PCM1: variants seen among roughly 807,000 people sequenced by gnomAD.
PCM1 encodes pericentriolar material 1.
PCM1 carries 157 observed loss-of-function variants against 241.9 expected under a neutral mutation model. That is an observed-to-expected ratio of 0.65 (90% CI 0.57 to 0.74). PCM1 has a LOEUF of 0.74. Ranked by LOEUF, PCM1 falls within the 30% of genes least tolerant of loss-of-function variation. The pLI, the probability that PCM1 is intolerant of heterozygous loss-of-function variation, is 0.00. For missense variants in PCM1, 3,478 were observed against 2,360.1 expected (o/e 1.47, Z -9.81); for synonymous variants, 1,085 against 784.9 (o/e 1.38, Z -6.39).
chr8:17,931,472 A>G (rs536830986), intron 2 of PCM1, among the ~76,000 whole-genome samples: 6 of 152,184 alleles, frequency 3.9e-5, no homozygotes, highest in South Asian at 4.1e-4. Context: ...TATTTTTAGT[A>G]GAGATAGGAT....
chr8:17,997,581 T>A (rs1404005598), intron 29 of PCM1, among the ~76,000 whole-genome samples: 3 of 152,216 alleles, frequency 2.0e-5, no homozygotes. Context: ...TCAAAGAGCC[T>A]GTCTTCAAGC....
At chr8:17,956,035 T>C (rs2068250021) in intron 10 of PCM1, 1 of 240,078 alleles carries the variant, frequency 4.2e-6, no homozygotes, top group Non-Finnish European at 8.2e-6. Flanking sequence ...CTGTATTTCC[T>C]CATCTGCAAA....
intron 36 of PCM1, among the ~76,000 whole-genome samples, chr8:18,019,819 G>A (rs1205792965): frequency 6.6e-6 from 1 of 152,180 alleles, no homozygotes; most frequent in Non-Finnish European, 1.5e-5. Flanking sequence ...GACTGGTACT[G>A]GGGGTTGCAG....
chr8:17,968,544 C>T (rs377292557), intron 21 of PCM1, among the ~76,000 whole-genome samples: 2 of 151,340 alleles, frequency 1.3e-5, no homozygotes, highest in African/African-American at 2.4e-5. Flanking sequence ...GTTAAGTGAC[C>T]GATTATATGA....
chr8:18,000,372 A>G (rs2088857018), intron 29 of PCM1, among the ~76,000 whole-genome samples: 1 of 152,164 alleles, frequency 6.6e-6, no homozygotes, highest in Non-Finnish European at 1.5e-5. Flanking sequence ...GCAGAGAAAA[A>G]AAGTCTGGCT....
chr8:17,967,304 T>TC (rs987613902), intron 21 of PCM1, 134 bp downstream of exon 21: 4 of 605,372 alleles, frequency 6.6e-6, no homozygotes, highest in Admixed American at 7.1e-5. Flanking sequence ...AGTTACAAAC[T>TC]CTTTTTTTTT....
At chr8:17,925,118 C>G (rs2073570) in intron 2 of PCM1, 101,006 of 152,112 alleles carry the variant, frequency 0.66, 34,309 homozygotes, top group Non-Finnish European at 0.74. Flanking sequence ...CATTTAATCT[C>G]AAGTTCTCTC....
Position 17,960,438 on chromosome 8 carries a change from C to T in PCM1, c.2316C>T (p.Asp772=). The T allele has an allele frequency of 6.3e-7, 1 of 1,580,068 alleles. No individual in the cohort carries two copies. Among genetic ancestry groups the T allele is most frequent in the South Asian group, 1.2e-5 (1 of 84,344 alleles). Residue 772 remains aspartate, a synonymous_variant, in exon 15 of 39, where the codon GAC becomes GAT. Transcript: ENST00000325083. Reference sequence around the variant, plus strand: ...AAGCATTGCAAACGGCATGCCCTGACTTACAGGTAATTATGAAATTTATTT... The same window carrying T: ...AAGCATTGCAAACGGCATGCCCTGATTTACAGGTAATTATGAAATTTATTT... ...KIQALQTACP[D]LQLSAASVGN...
chr8:17,966,408 C>T lies in PCM1; in HGVS notation c.3156C>T (p.His1052=), dbSNP rs373704730. 8 of 1,613,386 alleles carry T rather than the reference C, an allele frequency of 5.0e-6. No homozygotes were observed. In the African/African-American group the frequency reaches 1.1e-4, roughly 22 times the overall value. Residue 1052 remains histidine, a synonymous_variant, in exon 20 of 39, where the codon CAC becomes CAT. Transcript: ENST00000325083. Reference sequence around the variant, plus strand: ...GCAATGTTGCATCTCCTCAAGTACACTTCATAATGCACCAGTTGAACCAGT... The same window carrying T: ...GCAATGTTGCATCTCCTCAAGTACATTTCATAATGCACCAGTTGAACCAGT... ...MPSNVASPQV[H]FIMHQLNQCY...
chr8:17,939,976 C>T, intron 6 of PCM1, 115 bp downstream of exon 6: 18 of 1,221,036 alleles, frequency 1.5e-5, no homozygotes, highest in Middle Eastern at 1.9e-4. Flanking sequence ...AAAATCATGC[C>T]ATCCATTATA....
intron 8 of PCM1, among the ~76,000 whole-genome samples, chr8:17,952,746 G>C (rs896118623): frequency 2.6e-5 from 4 of 152,064 alleles, no homozygotes; most frequent in African/African-American, 9.7e-5. Context: ...AGGGGTCCTT[G>C]AACCAATCCC....
rs1215565597 is a variant in PCM1 at position 18,029,353 on chromosome 8, A to G, written c.*1691A>G. 4.7e-6 allele frequency: 1 copy of G among 211,890 alleles called. No individual in the cohort carries two copies. The allele number at this position is 211,890 out of a possible 1,614,324, so 13.1% of individuals were successfully genotyped here. A position where few individuals can be genotyped will look rare whatever the true frequency, so the allele number is the denominator to read the frequency against. Reference sequence around the variant, plus strand: ...AATTCAGAATTCGGAGTTCTTATCCAGGTGCTCTAACTAACTTCAGGGAAA... The same window carrying G: ...AATTCAGAATTCGGAGTTCTTATCCGGGTGCTCTAACTAACTTCAGGGAAA... On this transcript the variant is annotated 3_prime_UTR_variant, in exon 39 of 39. Coordinates refer to ENST00000325083, the MANE Select transcript of PCM1 (RefSeq NM_006197.4).
chr8:17,960,763 A>G (rs1017322843), intron 15 of PCM1, among the ~76,000 whole-genome samples: 1 of 151,938 alleles, frequency 6.6e-6, no homozygotes, highest in African/African-American at 2.4e-5. Flanking sequence ...TGACCTCGTG[A>G]TTCGCCCGTC....
rs73577786 is a variant in PCM1, at chr8:18,014,515, T to C, written c.5585-69T>C. On this transcript the variant is annotated intron_variant, in intron 35 of 38. Coordinates refer to ENST00000325083, the MANE Select transcript of PCM1 (RefSeq NM_006197.4). ...TGCTCTTATTCAGGCGTATTGTCTT[T>C]ATTAGTATAATAGTAAAATTTAACA... 8,122 of 1,268,610 alleles carry C rather than the reference T, an allele frequency of 6.4e-3. 444 individuals carry two copies. The African/African-American group carries it at 0.11, about 17-fold the overall frequency. 78.6% of individuals were successfully genotyped at this position (1,268,610 alleles called of 1,614,324 possible).
chr8:17,972,779 G>C (rs2077276356), intron 23 of PCM1, 92 bp downstream of exon 23: 1 of 668,900 alleles, frequency 1.5e-6, no homozygotes, highest in Admixed American at 3.4e-5. Flanking sequence ...AGTAAGGCTA[G>C]ATGTGCAGGT....
Position 17,953,138 on chromosome 8 carries a change from C to A in PCM1, c.1240C>A (p.Leu414Ile). 3 of 1,588,986 alleles carry A rather than the reference C, an allele frequency of 1.9e-6. No homozygotes were observed. Among genetic ancestry groups the A allele is most frequent in the Non-Finnish European group, 1.7e-6 (2 of 1,166,686 alleles). The change falls in exon 9 of 39, where the codon CTT becomes ATT. Residue 414 changes from leucine to isoleucine, a missense_variant. Coordinates refer to ENST00000325083, the MANE Select transcript of PCM1 (RefSeq NM_006197.4). ...QEKKQKMDKL[L>I]GELHTLRDQH... is the part of the protein sequence containing the mutation. The stretch of plus-strand genomic sequence containing the variant: ...AAAGAAACAAAAAATGGACAAATTG[C>A]TTGGAGAACTTCATACACTTCGAGA...
At position 18,029,313 on chromosome 8, in the gene PCM1, A is replaced by T. The variant is rs1365612802; in HGVS notation, c.*1651A>T. ...TATATCTTCAACTTTAATAAAACCTATTCAGAAAATTACCAATTCAGAATT... is the reference window on the plus strand; with the variant it reads ...TATATCTTCAACTTTAATAAAACCTTTTCAGAAAATTACCAATTCAGAATT... On this transcript the variant is annotated 3_prime_UTR_variant, in exon 39 of 39. Coordinates refer to ENST00000325083, the MANE Select transcript of PCM1 (RefSeq NM_006197.4). 1 of 212,550 alleles carries T rather than the reference A, an allele frequency of 4.7e-6. No homozygotes were observed. Among genetic ancestry groups the T allele is most frequent in the Non-Finnish European group, 9.5e-6 (1 of 104,926 alleles). 13.2% of individuals were successfully genotyped at this position (212,550 alleles called of 1,614,324 possible). A position where few individuals can be genotyped will look rare whatever the true frequency, so the allele number is the denominator to read the frequency against.
At chr8:17,929,249 A>G (rs1387392348) in intron 2 of PCM1, among the ~76,000 whole-genome samples, 1 of 152,092 alleles carries the variant, frequency 6.6e-6, no homozygotes, top group Non-Finnish European at 1.5e-5. Context: ...TACTTGATAC[A>G]CTTTTCCCCT....
chr8:18,013,500 A>G (rs1227894046), intron 34 of PCM1, among the ~76,000 whole-genome samples: 6 of 152,170 alleles, frequency 3.9e-5, no homozygotes, highest in African/African-American at 1.4e-4. Context: ...AAACAGTTTT[A>G]AACAACTACC....
Sources: gnomAD v4.1 joint callset for allele counts (sites outside exome capture counted in the v4.1 genomes callset) on GRCh38, gnomAD v4.1.1 for gene constraint, MANE v1.5 for transcripts, NCBI Gene and HGNC (gene_info 2026-07-23, HGNC 2026-07-21) for gene names.